Variants in NEMP2 observed in about 807,000 individuals in gnomAD.
NEMP2 encodes the protein UPF0571 transmembrane protein.
NEMP2 carries 53 observed loss-of-function variants against 54.2 expected under a neutral mutation model. That is an observed-to-expected ratio of 0.98 (90% confidence interval 0.78 to 1.23). NEMP2 has a LOEUF of 1.23. Among genes scored for constraint, NEMP2 ranks in the 50% most tolerant of loss-of-function variants. The pLI is 0.00. For missense variants in NEMP2, 455 were observed against 511.3 expected (o/e 0.89, Z 1.06); for synonymous variants, 197 against 190.3 (o/e 1.04, Z -0.29).
the NEMP2 span, among the ~76,000 whole-genome samples, chr2:190,643,542 T>G: frequency 6.6e-6 from 1 of 152,218 alleles, no homozygotes; most frequent in African/African-American, 2.4e-5. Context: ...GTTTCCTCAG[T>G]TCTACCAGAG....
upstream of NEMP2, among the ~76,000 whole-genome samples, chr2:190,536,396 GCT>G (rs1691380055): frequency 6.6e-6 from 1 of 152,124 alleles, no homozygotes; most frequent in Non-Finnish European, 1.5e-5. Flanking sequence ...AAACACTAGG[GCT>G]CTGTGTCCTG....
At chr2:190,460,168 G>A in the NEMP2 span, among the ~76,000 whole-genome samples, 1 of 152,176 alleles carries the variant, frequency 6.6e-6, no homozygotes, top group African/African-American at 2.4e-5. Context: ...AGTGCGTCAG[G>A]ATGCTCCAAA....
chr2:190,444,616 T>C, the NEMP2 span, among the ~76,000 whole-genome samples: 1 of 152,212 alleles, frequency 6.6e-6, no homozygotes, highest in African/African-American at 2.4e-5. Flanking sequence ...TTTTTGTTTG[T>C]GTTTTTCATT....
the NEMP2 span, among the ~76,000 whole-genome samples, chr2:190,593,289 T>C: frequency 2.0e-5 from 3 of 152,300 alleles, no homozygotes; most frequent in African/African-American, 7.2e-5. The surrounding 1 kb of genome is among the most constrained non-coding windows in gnomAD (Gnocchi z 4.5). Flanking sequence ...GATCCCAGAA[T>C]ACAGCATGAC....
At chr2:190,516,738 G>GT (rs1208513735) in intron 5 of NEMP2, among the ~76,000 whole-genome samples, 1 of 152,210 alleles carries the variant, frequency 6.6e-6, no homozygotes, top group Non-Finnish European at 1.5e-5. Context: ...TTTAATCAGT[G>GT]TAACTGCAAC....
chr2:190,647,801 G>A, the NEMP2 span, among the ~76,000 whole-genome samples: 2 of 131,590 alleles, frequency 1.5e-5, no homozygotes, highest in Admixed American at 9.3e-5. Context: ...TGCAACCTCC[G>A]CCTCCCGGGT....
the NEMP2 span, chr2:190,436,188 A>G: frequency 1.2e-6 from 2 of 1,614,208 alleles, no homozygotes; most frequent in East Asian, 4.5e-5. This position sits in a 1 kb window ranked among gnomAD's most constrained non-coding sequence, Gnocchi z 5.3. Context: ...CTGAGGAGGA[A>G]ATAGACTGGA....
the NEMP2 span, among the ~76,000 whole-genome samples, chr2:190,636,946 T>C: frequency 6.6e-6 from 1 of 152,304 alleles, no homozygotes; most frequent in East Asian, 1.9e-4. Flanking sequence ...TTAAATCTTT[T>C]CGATGGCTCC....
chr2:190,531,685 G>C lies in NEMP2; in HGVS notation c.97+2874C>G, dbSNP rs1691150157. Among the ~76,000 whole-genome samples the C allele has an allele frequency of 6.6e-6, 1 of 151,966 alleles. No individual in the cohort carries two copies. The highest frequency in any genetic ancestry group is 2.4e-5 in the African/African-American group (1 of 41,364). The stretch of plus-strand genomic sequence containing the variant: ...AGAATTACATATCTAGTATAAAAAA[G>C]GGACAGCTACATATCACCTAATTAT... On this transcript the variant is annotated intron_variant, in intron 1 of 8. Transcript: ENST00000409150. The surrounding 1 kb of genome is among the most constrained non-coding windows in gnomAD (Gnocchi z 4.7).
the NEMP2 span, among the ~76,000 whole-genome samples, chr2:190,493,698 T>C: frequency 6.6e-5 from 10 of 152,146 alleles, no homozygotes; most frequent in Non-Finnish European, 1.5e-5. Context: ...GGAATAAAAC[T>C]GGAAATCAAC....
upstream of NEMP2, among the ~76,000 whole-genome samples, chr2:190,536,201 G>A (rs2125366225): frequency 6.6e-6 from 1 of 152,288 alleles, no homozygotes; most frequent in African/African-American, 2.4e-5. Flanking sequence ...TGATAGTTCT[G>A]TCACTGGGGG....
downstream of NEMP2, chr2:190,502,019 CCTG>C (rs375934842): frequency 6.6e-6 from 1 of 152,518 alleles, no homozygotes; most frequent in African/African-American, 2.4e-5. This position sits in a 1 kb window ranked among gnomAD's most constrained non-coding sequence, Gnocchi z 4.4. Context: ...CTTTGAAAAG[CCTG>C]CTGTTTTGGA....
At chr2:190,553,163 C>G in the NEMP2 span, 7 of 151,888 alleles carry the variant, frequency 4.6e-5, no homozygotes, top group Non-Finnish European at 8.8e-5. Context: ...TCTATTTACA[C>G]AGTGTTTTCA....
In NEMP2 at chr2:190,507,521, G is replaced by C. The variant is rs1690220917; in HGVS notation, c.*1668C>G. Reference sequence around the variant, plus strand: ...CCAATAAATATAATTTAAAAAAACAGATTAAACCATAAGAAAAATATTCAA... The same window carrying C: ...CCAATAAATATAATTTAAAAAAACACATTAAACCATAAGAAAAATATTCAA... On this transcript the variant is annotated 3_prime_UTR_variant, in exon 9 of 9. Coordinates refer to ENST00000409150, the MANE Select transcript of NEMP2 (RefSeq NM_001142645.2). This position sits in a 1 kb window ranked among gnomAD's most constrained non-coding sequence, Gnocchi z 4.4. 1 of 152,070 alleles carries C rather than the reference G, an allele frequency of 6.6e-6. No individual in the cohort carries two copies. Among genetic ancestry groups the C allele is most frequent in the Non-Finnish European group, 1.5e-5 (1 of 67,984 alleles). The allele number at this position is 152,070 out of a possible 1,614,324, so 9.4% of individuals were successfully genotyped here. A position where few individuals can be genotyped will look rare whatever the true frequency, so the allele number is the denominator to read the frequency against.
rs1056470964 is a variant in NEMP2 at position 190,531,896 on chromosome 2, T to C, written c.97+2663A>G. Among the ~76,000 whole-genome samples, 1 of 151,988 alleles carries C rather than the reference T, an allele frequency of 6.6e-6. No homozygotes were observed. The highest frequency in any genetic ancestry group is 2.4e-5 in the African/African-American group (1 of 41,354). ...GCTAAAAATAAAAAGCACAAACACCTCAAATCTTAGCAGAACCTAACTCCC... is the reference window on the plus strand; with the variant it reads ...GCTAAAAATAAAAAGCACAAACACCCCAAATCTTAGCAGAACCTAACTCCC... On this transcript the variant is annotated intron_variant, in intron 1 of 8. Transcript: ENST00000409150. This position sits in a 1 kb window ranked among gnomAD's most constrained non-coding sequence, Gnocchi z 4.7.
At chr2:190,495,777 A>G in the NEMP2 span, among the ~76,000 whole-genome samples, 6 of 152,232 alleles carry the variant, frequency 3.9e-5, no homozygotes, top group African/African-American at 1.4e-4. The surrounding 1 kb of genome is among the most constrained non-coding windows in gnomAD (Gnocchi z 4.7). Flanking sequence ...TGCTGGGATA[A>G]TTGGCAAGCC....
the NEMP2 span, among the ~76,000 whole-genome samples, chr2:190,602,575 G>A: frequency 6.6e-6 from 1 of 152,230 alleles, no homozygotes; most frequent in Non-Finnish European, 1.5e-5. Flanking sequence ...AACCACGACA[G>A]GTTGAGTGGA....
At chr2:190,532,926 T>G (rs1691202229) in intron 1 of NEMP2, among the ~76,000 whole-genome samples, 1 of 152,204 alleles carries the variant, frequency 6.6e-6, no homozygotes, top group Non-Finnish European at 1.5e-5. Flanking sequence ...TTCTTAGCTG[T>G]GGACTAGTTT....
chr2:190,425,902 C>T, the NEMP2 span, among the ~76,000 whole-genome samples: 1 of 152,126 alleles, frequency 6.6e-6, no homozygotes, highest in Non-Finnish European at 1.5e-5. This position sits in a 1 kb window ranked among gnomAD's most constrained non-coding sequence, Gnocchi z 4.3. Context: ...CTTCCAGTGT[C>T]CATGGTTTCT....
Sources: gnomAD v4.1 joint callset for allele counts (sites outside exome capture counted in the v4.1 genomes callset) on GRCh38, gnomAD v4.1.1 for gene constraint, Gnocchi (gnomAD v3.1) non-coding constraint, MANE v1.5 for transcripts, NCBI Gene and HGNC (gene_info 2026-07-23, HGNC 2026-07-21) for gene names.